Variants in CLVS1 observed in about 807,000 individuals in gnomAD.
The protein encoded by CLVS1 is clavesin 1, also known as clavesin-1.
In CLVS1, 10 loss-of-function variants were observed where a neutral mutation model predicts 33.1. The ratio of observed to expected loss-of-function variants is 0.30; its 90% CI spans 0.19 to 0.51. The LOEUF (loss-of-function observed/expected upper bound fraction) is 0.51, where lower values mean the gene tolerates loss of function less well. CLVS1 is among the 20% of genes least tolerant of loss of function. The probability of loss-of-function intolerance (pLI) is 0.97; values close to 1 mark genes in which losing one functional copy is unlikely to be tolerated. For missense variants in CLVS1, 343 were observed against 433.4 expected (o/e 0.79, Z 1.85); for synonymous variants, 163 against 166.1 (o/e 0.98, Z 0.14).
intron 1 of CLVS1, among the ~76,000 whole-genome samples, chr8:61,120,193 G>A (rs1352129024): frequency 7.0e-5 from 10 of 143,614 alleles, no homozygotes; most frequent in African/African-American, 2.3e-4. Context: ...CATTCTTCAC[G>A]TAGTTCTCGA....
chr8:61,049,840 A>T, the CLVS1 span, among the ~76,000 whole-genome samples: 1 of 152,236 alleles, frequency 6.6e-6, no homozygotes, highest in Non-Finnish European at 1.5e-5. Flanking sequence ...TTTAGGACTT[A>T]GTGTGCATAG....
intron 2 of CLVS1, among the ~76,000 whole-genome samples, chr8:61,282,889 A>G (rs1452382955): frequency 3.3e-5 from 5 of 152,206 alleles, no homozygotes; most frequent in Admixed American, 1.3e-4. Context: ...TGGAAACTAT[A>G]GTACTCTGTT....
chr8:61,003,336 A>T, the CLVS1 span, among the ~76,000 whole-genome samples: 1 of 152,114 alleles, frequency 6.6e-6, no homozygotes, highest in African/African-American at 2.4e-5. Flanking sequence ...GGTTACTGTG[A>T]TTTTTCTCAG....
chr8:61,467,043 A>G (rs1371510688), intron 5 of CLVS1, among the ~76,000 whole-genome samples: 2 of 152,232 alleles, frequency 1.3e-5, no homozygotes, highest in African/African-American at 4.8e-5. Flanking sequence ...AGGTCTTCAA[A>G]TATATGTATC....
chr8:61,166,593 G>A (rs183706067), intron 2 of CLVS1, among the ~76,000 whole-genome samples: 56 of 152,002 alleles, frequency 3.7e-4, no homozygotes, highest in Non-Finnish European at 6.8e-4. Flanking sequence ...CTTCTCTGAG[G>A]TAAAAGAGAA....
chr8:61,185,957 G>A (rs965057033), intron 2 of CLVS1, among the ~76,000 whole-genome samples: 4 of 152,160 alleles, frequency 2.6e-5, no homozygotes, highest in African/African-American at 9.7e-5. Flanking sequence ...CTCCCTAGTT[G>A]CCACTTGAAA....
chr8:61,159,187 C>A (rs948614765), intron 2 of CLVS1, among the ~76,000 whole-genome samples: 1 of 152,192 alleles, frequency 6.6e-6, no homozygotes, highest in African/African-American at 2.4e-5. Context: ...AAATGGATTT[C>A]TTTATGTTCC....
intron 2 of CLVS1, among the ~76,000 whole-genome samples, chr8:61,319,596 A>C (rs1426571873): frequency 2.0e-5 from 3 of 152,034 alleles, no homozygotes; most frequent in Admixed American, 1.3e-4. Context: ...GATCTGGTTA[A>C]TTTGCTCCAT....
rs532268799 is a variant in CLVS1, at chr8:61,484,182, A to T, written c.978-15273A>T. ...CTGTTTGCACATGACATGATTTTAT[A>T]TTTAGAAAACCCCATCATCTCAGCC... On this transcript the variant is annotated intron_variant, in intron 5 of 5. Transcript: ENST00000325897. Among the ~76,000 whole-genome samples the T allele has an allele frequency of 5.4e-4, 83 of 152,338 alleles. 1 individual carries two copies. In the Middle Eastern group the frequency reaches 0.027, roughly 50 times the overall value.
upstream of CLVS1, among the ~76,000 whole-genome samples, chr8:61,283,937 T>G (rs958904147): frequency 2.6e-5 from 4 of 152,204 alleles, no homozygotes; most frequent in Admixed American, 2.6e-4. Flanking sequence ...TGCAATAACT[T>G]AGAAGTAAGT....
chr8:61,104,473 G>T lies in CLVS1; in HGVS notation c.-242-27297G>T, dbSNP rs1002572761. Among the ~76,000 whole-genome samples the T allele has an allele frequency of 3.3e-5, 5 of 152,274 alleles. No individual in the cohort carries two copies. The East Asian group carries it at 5.8e-4, about 18-fold the overall frequency. ...CAACAGATGTGATTTTGATAAAGTA[G>T]GAGAAAAATTCACCCAAGTTATGAA... On this transcript the variant is annotated intron_variant, in intron 1 of 2. Coordinates refer to the CLVS1 transcript ENST00000522621.
intron 5 of CLVS1, among the ~76,000 whole-genome samples, chr8:61,490,146 T>A (rs1213045142): frequency 6.6e-6 from 1 of 151,776 alleles, no homozygotes; most frequent in Non-Finnish European, 1.5e-5. Context: ...TGAAACCCCA[T>A]CTCTACTAAA....
intron 3 of CLVS1, among the ~76,000 whole-genome samples, chr8:61,425,877 T>A (rs1249495316): frequency 6.6e-6 from 1 of 152,208 alleles, no homozygotes; most frequent in Non-Finnish European, 1.5e-5. Flanking sequence ...CTATGTCTCA[T>A]TTCTGTGCTT....
intron 2 of CLVS1, among the ~76,000 whole-genome samples, chr8:61,147,835 A>T (rs1806449926): frequency 6.6e-6 from 1 of 152,216 alleles, no homozygotes; most frequent in South Asian, 2.1e-4. Flanking sequence ...GTTGTATCAT[A>T]GGAAAGTGAG....
intron 2 of CLVS1, among the ~76,000 whole-genome samples, chr8:61,248,622 A>C (rs539545477): frequency 4.9e-4 from 73 of 148,164 alleles, no homozygotes; most frequent in Middle Eastern, 3.4e-3. Flanking sequence ...TTTTGAATAC[A>C]TTTTTTTAAT....
At chr8:61,366,952 A>G (rs1813235566) in intron 2 of CLVS1, among the ~76,000 whole-genome samples, 2 of 152,118 alleles carry the variant, frequency 1.3e-5, no homozygotes, top group Admixed American at 6.5e-5. Context: ...GATTCCTACT[A>G]TGTAAGAACT....
chr8:61,340,055 A>G (rs1241405743), intron 2 of CLVS1, among the ~76,000 whole-genome samples: 2 of 151,780 alleles, frequency 1.3e-5, no homozygotes, highest in South Asian at 4.1e-4. Flanking sequence ...GGAAAGAAAA[A>G]AGAAAAAGAA....
At chr8:61,497,450 G>T (rs1804307956) in intron 5 of CLVS1, among the ~76,000 whole-genome samples, 1 of 147,638 alleles carries the variant, frequency 6.8e-6, no homozygotes, top group Non-Finnish European at 1.5e-5. Flanking sequence ...ATTGGGGGGG[G>T]GGTGTCAGTC....
In CLVS1 at chr8:61,186,438, CA is replaced by C. The variant is rs375740344; in HGVS notation, c.-152+54579del. Among the ~76,000 whole-genome samples, 868 of 150,684 alleles carry C rather than the reference CA, an allele frequency of 5.8e-3. 5 individuals carry two copies. The highest frequency in any genetic ancestry group is 0.038 in the Middle Eastern group (11 of 292). ...CACTGCAAACATTGAGAAGGAAAGACAGGTGAGGCCAAGTGTCTCAGGATGC... is the reference window on the plus strand; with the variant it reads ...CACTGCAAACATTGAGAAGGAAAGACGGTGAGGCCAAGTGTCTCAGGATGC... On this transcript the variant is annotated intron_variant, in intron 2 of 2. Transcript: ENST00000522621.
Sources: allele counts gnomAD v4.1 joint callset (sites outside exome capture counted in the v4.1 genomes callset), GRCh38; gene constraint gnomAD v4.1.1; transcripts MANE v1.5; gene names NCBI Gene and HGNC (gene_info 2026-07-23, HGNC 2026-07-21).